Variants in ADGRG7 observed in about 807,000 individuals in gnomAD.
ADGRG7 encodes G-protein coupled receptor 128.
A neutral mutation model predicts 88.6 loss-of-function variants in ADGRG7; 82 were observed. That is an observed-to-expected ratio of 0.93 (90% confidence interval 0.77 to 1.11). The LOEUF is 1.11. Ranked by LOEUF, ADGRG7 falls within the 50% of genes most tolerant of loss-of-function variation. The pLI, the probability that ADGRG7 is intolerant of heterozygous loss-of-function variation, is 0.00. For synonymous variants in ADGRG7, 381 were observed against 345.2 expected, an observed-to-expected ratio of 1.10 and a Z score of -1.15; for missense variants, 945 against 953.4, an observed-to-expected ratio of 0.99 and a Z score of 0.12.
rs967759016 is a variant in ADGRG7, at chr3:100,678,433, T to C, written c.2136+9328T>C. Among the ~76,000 whole-genome samples, 7 of 152,160 alleles carry C rather than the reference T, an allele frequency of 4.6e-5. No individual in the cohort carries two copies. In the East Asian group the frequency reaches 1.4e-3, roughly 29 times the overall value. ...CTGTCTCTCTGGGATTGGTCACTGG[T>C]GCCTTATTTATTTATTTATTTATTT... On this transcript the variant is annotated intron_variant, in intron 15 of 15. Transcript: ENST00000273352.
chr3:100,671,231 A>C (rs2094958036), intron 15 of ADGRG7, among the ~76,000 whole-genome samples: 1 of 152,148 alleles, frequency 6.6e-6, no homozygotes, highest in African/African-American at 2.4e-5. Context: ...TGACTTTCTA[A>C]TGATCGCCAT....
intron 5 of ADGRG7, 84 bp downstream of exon 5, chr3:100,635,910 C>T: frequency 1.0e-6 from 1 of 987,190 alleles, no homozygotes; most frequent in Admixed American, 2.4e-5. Flanking sequence ...TCCTGAATAC[C>T]ACTCCTTATT....
In ADGRG7 at chr3:100,665,334, A is replaced by G. The variant is rs533851809; in HGVS notation, c.1980-3615A>G. 4.1e-4 allele frequency: 220 copies of G among 540,828 alleles called. 2 individuals are homozygous for G. Among genetic ancestry groups the G allele is most frequent in the African/African-American group, 3.8e-3 (199 of 52,150 alleles). The allele number at this position is 540,828 out of a possible 1,614,324, so 33.5% of individuals were successfully genotyped here. A position where few individuals can be genotyped will look rare whatever the true frequency, so the allele number is the denominator to read the frequency against. On this transcript the variant is annotated intron_variant, in intron 14 of 15. Transcript: ENST00000273352. ...AAGTTCATCTGGTGAAATACCCTCA[A>G]GCTCCTCATCCAGTACCACCAGGCG...
At chr3:100,657,632 A>T (rs1487211044) in intron 13 of ADGRG7, among the ~76,000 whole-genome samples, 1 of 152,224 alleles carries the variant, frequency 6.6e-6, no homozygotes, top group Non-Finnish European at 1.5e-5. Flanking sequence ...CCTATGTTCC[A>T]TGGCAAACCA....
chr3:100,683,325 C>T (rs942438941), intron 15 of ADGRG7, among the ~76,000 whole-genome samples: 1 of 152,160 alleles, frequency 6.6e-6, no homozygotes, highest in African/African-American at 2.4e-5. Flanking sequence ...TAGAGAAGAG[C>T]TGTGGCTCTT....
chr3:100,646,685 C>G lies in ADGRG7; in HGVS notation c.1227C>G (p.Arg409=). 1 of 1,614,182 alleles carries G rather than the reference C, an allele frequency of 6.2e-7. No individual in the cohort carries two copies. The part of the protein sequence containing the change: ...QKDKGTDGFL[R]CRCNHTTNFA... ...ACAAGGGCACTGATGGATTCCTGCG[C>G]TGCCGCTGCAACCATACTACTAATT... is the stretch of plus-strand genomic sequence containing the variant. Residue 409 remains arginine, a synonymous_variant, in exon 10 of 16, where the codon CGC becomes CGG. Transcript: ENST00000273352.
At chr3:100,648,450 A>G (rs889908465) in intron 10 of ADGRG7, among the ~76,000 whole-genome samples, 14 of 152,224 alleles carry the variant, frequency 9.2e-5, no homozygotes, top group African/African-American at 3.4e-4. Context: ...TTATTTTTAA[A>G]TGTGTATTTT....
intron 6 of ADGRG7, among the ~76,000 whole-genome samples, 171 bp from the exon 7 acceptor site, chr3:100,643,095 T>G (rs770456590): frequency 6.6e-6 from 1 of 152,204 alleles, no homozygotes; most frequent in African/African-American, 2.4e-5. Context: ...TAAGTACATA[T>G]AACACAACAA....
In ADGRG7 at chr3:100,628,193, C is replaced by T. The variant is rs145659395; in HGVS notation, c.116-1405C>T. Among the ~76,000 whole-genome samples, 275 of 152,188 alleles carry T rather than the reference C, an allele frequency of 1.8e-3. 1 individual carries two copies. Among genetic ancestry groups the T allele is most frequent in the Non-Finnish European group, 3.0e-3 (203 of 68,028 alleles). The stretch of plus-strand genomic sequence containing the variant: ...CTGGGTAGTGCCCTTAGTGGAAATA[C>T]TATAGAGACTTCGAATACCTTTCAG... On this transcript the variant is annotated intron_variant, in intron 1 of 15. Coordinates refer to ENST00000273352, the MANE Select transcript of ADGRG7 (RefSeq NM_032787.3).
At position 100,655,021 on chromosome 3, in the gene ADGRG7, G is replaced by T. The variant is rs779382891; in HGVS notation, c.1566G>T (p.Pro522=). The part of the protein sequence containing the change: ...DIPRTDTINI[P]NPMCTAIAAL... ...CCAGGACAGACACCATTAACATCCC[G>T]AATCCCATGTGCACTGCGATTGCCG... Residue 522 remains proline (P), a synonymous_variant, in exon 12 of 16, where the codon CCG becomes CCT. Coordinates refer to ENST00000273352, the MANE Select transcript of ADGRG7 (RefSeq NM_032787.3). The T allele has an allele frequency of 6.2e-7, 1 of 1,613,908 alleles. No individual in the cohort carries two copies. The highest frequency in any genetic ancestry group is 2.2e-5 in the East Asian group (1 of 44,896).
At chr3:100,652,814 G>A (rs2094931712) in intron 11 of ADGRG7, among the ~76,000 whole-genome samples, 1 of 151,362 alleles carries the variant, frequency 6.6e-6, no homozygotes, top group African/African-American at 2.4e-5. Context: ...CACTCATACT[G>A]CCTTCTGAAA....
intron 15 of ADGRG7, among the ~76,000 whole-genome samples, chr3:100,675,652 C>A (rs1379368014): frequency 1.3e-5 from 2 of 152,038 alleles, no homozygotes; most frequent in African/African-American, 4.8e-5. Flanking sequence ...CCCTTTGCCT[C>A]TATTTTTTGG....
In ADGRG7 at chr3:100,643,587, C is replaced by T. The variant is rs201405791; in HGVS notation, c.900C>T (p.Asn300=). The T allele has an allele frequency of 6.2e-7, 1 of 1,613,756 alleles. No homozygotes were observed. The highest frequency in any genetic ancestry group is 2.2e-5 in the East Asian group (1 of 44,884). Residue 300 remains asparagine (N), a synonymous_variant, in exon 8 of 16, where the codon AAC becomes AAT. Coordinates refer to ENST00000273352, the MANE Select transcript of ADGRG7 (RefSeq NM_032787.3). ...TFIHTNVDGL[N]PDAQTELQVL... ...TACATACAAATGTGGATGGCCTTAA[C>T]CCAGATGCACAGACTGAGCTTCAGG...
chr3:100,629,308 T>TCTAC (rs1426210218), intron 1 of ADGRG7, among the ~76,000 whole-genome samples: 2 of 144,706 alleles, frequency 1.4e-5, no homozygotes, highest in African/African-American at 5.0e-5. Context: ...TATCTATCTA[T>TCTAC]CTACTTACCA....
chr3:100,670,950 A>G (rs566419546), intron 15 of ADGRG7, among the ~76,000 whole-genome samples: 11 of 152,300 alleles, frequency 7.2e-5, no homozygotes, highest in African/African-American at 2.6e-4. Context: ...CCAGTCTATC[A>G]TTGATGGGCA....
At chr3:100,635,877 G>T in intron 5 of ADGRG7, 51 bp downstream of exon 5, 4 of 1,368,694 alleles carry the variant, frequency 2.9e-6, no homozygotes, top group Non-Finnish European at 4.0e-6. Context: ...TTTAGAGGGG[G>T]TGTTGGGAAA....
chr3:100,628,023 G>A (rs986604161), intron 1 of ADGRG7, among the ~76,000 whole-genome samples: 1 of 151,948 alleles, frequency 6.6e-6, no homozygotes, highest in African/African-American at 2.4e-5. Flanking sequence ...CAAACTTTGA[G>A]TTTCTTTTCT....
intron 15 of ADGRG7, among the ~76,000 whole-genome samples, chr3:100,691,203 C>T (rs952101543): frequency 1.3e-5 from 2 of 152,204 alleles, no homozygotes; most frequent in South Asian, 2.1e-4. Context: ...GTTTGTTAAG[C>T]CCATTGGAAA....
rs1010863785 is a variant in ADGRG7, at chr3:100,621,659, T to G, written c.116-7939T>G. Among the ~76,000 whole-genome samples the G allele has an allele frequency of 2.6e-5, 4 of 152,194 alleles. No individual in the cohort carries two copies. In the East Asian group the frequency reaches 7.7e-4, roughly 29 times the overall value. On this transcript the variant is annotated intron_variant, in intron 1 of 15. Coordinates refer to ENST00000273352, the MANE Select transcript of ADGRG7 (RefSeq NM_032787.3). Reference sequence around the variant, plus strand: ...AGAAGCCATCTCCATAACATAAAAGTGCAAAGGAAAGCAGCAAGTGCTGAT... The same window carrying G: ...AGAAGCCATCTCCATAACATAAAAGGGCAAAGGAAAGCAGCAAGTGCTGAT...
Sources: gnomAD v4.1 joint callset for allele counts (sites outside exome capture counted in the v4.1 genomes callset) on GRCh38, gnomAD v4.1.1 for gene constraint, MANE v1.5 for transcripts, NCBI Gene and HGNC (gene_info 2026-07-23, HGNC 2026-07-21) for gene names.